OTOF: variants seen among roughly 807,000 people sequenced by gnomAD.
OTOF encodes fer-1-like family member 2.
Under a neutral mutation model 236.8 loss-of-function variants are expected in OTOF, and 218 were observed. The ratio of observed to expected loss-of-function variants is 0.92; its 90% CI spans 0.82 to 1.03. OTOF has a LOEUF of 1.03. OTOF is among the 50% of genes least tolerant of loss of function. OTOF has a pLI of 0.00. For missense variants in OTOF, 2,590 were observed against 2,694.4 expected (o/e 0.96, Z 0.86); for synonymous variants, 1,041 against 1,072.5 (o/e 0.97, Z 0.57).
At position 26,470,999 on chromosome 2, in the gene OTOF, G is replaced by A; in HGVS notation, c.3894+122C>T. 1 of 1,294,054 alleles carries A rather than the reference G, an allele frequency of 7.7e-7. No individual in the cohort carries two copies. The allele number at this position is 1,294,054 out of a possible 1,614,324, so 80.2% of individuals were successfully genotyped here. A position where few individuals can be genotyped will look rare whatever the true frequency, so the allele number is the denominator to read the frequency against. ...TTCCACTGCATCTTAGGGGAGGTGT[G>A]CTGGCCCAAGCATGCGGGGGCTGGG... On this transcript the variant is annotated intron_variant, in intron 31 of 46. Coordinates refer to ENST00000272371, the MANE Select transcript of OTOF (RefSeq NM_194248.3). The surrounding 1 kb of genome is among the most constrained non-coding windows in gnomAD (Gnocchi z 4.3).
intron 9 of OTOF, 84 bp downstream of exon 9, chr2:26,494,858 A>G: frequency 6.5e-7 from 1 of 1,538,416 alleles, no homozygotes; most frequent in Non-Finnish European, 9.0e-7. Flanking sequence ...CTTGACTTCC[A>G]GCCACTCCTA....
At chr2:26,484,705 C>A in intron 11 of OTOF, 72 bp from the exon 12 acceptor site, 2 of 1,520,162 alleles carry the variant, frequency 1.3e-6, no homozygotes, top group Non-Finnish European at 9.1e-7. Context: ...CAGGGCAGGC[C>A]AAGGGGTGGC....
Position 26,477,712 on chromosome 2 carries a change from G to T in OTOF, c.2252C>A (p.Thr751Lys). Reference protein sequence around the residue: ...GLNDIQEMIKTEKSYPERRLR... With the variant: ...GLNDIQEMIKKEKSYPERRLR... ...GCGACGCTCAGGGTAGGACTTCTCC[G>T]TTTTGATCATCTCCTGTATGTCGTT... Residue 751 changes from threonine (T) to lysine (K), a missense_variant, in exon 19 of 47, where the codon ACG becomes AAG. By Grantham distance (78) the Thr-to-Lys change is moderately conservative. Transcript: ENST00000272371. The surrounding 1 kb of genome is among the most constrained non-coding windows in gnomAD (Gnocchi z 4.7). 1 of 1,612,706 alleles carries T rather than the reference G, an allele frequency of 6.2e-7. No individual in the cohort carries two copies.
chr2:26,483,725 G>A, intron 12 of OTOF, 77 bp from the exon 13 acceptor site: 1 of 1,331,868 alleles, frequency 7.5e-7, no homozygotes, highest in East Asian at 2.4e-5. Context: ...ACACACTCCT[G>A]GGTCCTGGCA....
intron 3 of OTOF, among the ~76,000 whole-genome samples, chr2:26,524,306 G>A (rs750595898): frequency 6.6e-6 from 1 of 152,180 alleles, no homozygotes; most frequent in East Asian, 1.9e-4. Context: ...CCAGGAGTTC[G>A]AGACCATCCT....
intron 11 of OTOF, among the ~76,000 whole-genome samples, chr2:26,487,997 T>C (rs1401474482): frequency 6.6e-6 from 1 of 152,226 alleles, no homozygotes; most frequent in African/African-American, 2.4e-5. Context: ...TCAGTTTATC[T>C]TCACAGAGGC....
At chr2:26,500,503 G>A (rs1156953545) in intron 8 of OTOF, among the ~76,000 whole-genome samples, 2 of 151,922 alleles carry the variant, frequency 1.3e-5, no homozygotes, top group East Asian at 1.9e-4. Context: ...CCTTGGAAAA[G>A]CCCTCGGAAG....
At chr2:26,478,735 GT>G (rs1165266141) in intron 18 of OTOF, among the ~76,000 whole-genome samples, 1 of 151,834 alleles carries the variant, frequency 6.6e-6, no homozygotes, top group Non-Finnish European at 1.5e-5. Context: ...GTTTTGCTCG[GT>G]TGCCCAGGCT....
Position 26,558,625 on chromosome 2 carries a change from C to T in OTOF, c.-54G>A, listed in dbSNP as rs571817012. 511 of 1,446,160 alleles carry T rather than the reference C, an allele frequency of 3.5e-4. 5 individuals are homozygous for T. In the Middle Eastern group the frequency reaches 4.4e-3, roughly 12 times the overall value. The allele number at this position is 1,446,160 out of a possible 1,614,324, so 89.6% of individuals were successfully genotyped here. A position where few individuals can be genotyped will look rare whatever the true frequency, so the allele number is the denominator to read the frequency against. On this transcript the variant is annotated 5_prime_UTR_variant, in exon 1 of 47. Coordinates refer to ENST00000272371, the MANE Select transcript of OTOF (RefSeq NM_194248.3). The stretch of plus-strand genomic sequence containing the variant: ...GCAGGAGCAGCGGGAAGGAGCTAGC[C>T]GGTGGAGCACGGCTCACACGCCTCT...
In OTOF at chr2:26,457,365, G is replaced by A; in HGVS notation, c.*873C>T. On this transcript the variant is annotated 3_prime_UTR_variant, in exon 47 of 47. Transcript: ENST00000272371. The surrounding 1 kb of genome is among the most constrained non-coding windows in gnomAD (Gnocchi z 4.4). Reference sequence around the variant, plus strand: ...GGGGGCAGGGGTGGGAGGACAGGGTGTGCCCGGGATGGGGAGTCCCCTCTG... The same window carrying A: ...GGGGGCAGGGGTGGGAGGACAGGGTATGCCCGGGATGGGGAGTCCCCTCTG... 6.5e-6 allele frequency: 1 copy of A among 152,712 alleles called. No homozygotes were observed. The highest frequency in any genetic ancestry group is 1.5e-5 in the Non-Finnish European group (1 of 68,300). 9.5% of individuals were successfully genotyped at this position (152,712 alleles called of 1,614,324 possible).
Position 26,470,343 on chromosome 2 carries a change from C to A in OTOF, c.4023+250G>T, listed in dbSNP as rs190395010. Reference sequence around the variant, plus strand: ...GCACCTAGTATGGAGCCTGGCTCATCGCATATACCCAAGAGGCATTTGTGG... The same window carrying A: ...GCACCTAGTATGGAGCCTGGCTCATAGCATATACCCAAGAGGCATTTGTGG... On this transcript the variant is annotated intron_variant, in intron 32 of 46. Transcript: ENST00000272371. The surrounding 1 kb of genome is among the most constrained non-coding windows in gnomAD (Gnocchi z 4.3). Among the ~76,000 whole-genome samples the A allele has an allele frequency of 3.3e-5, 5 of 152,036 alleles. No individual in the cohort carries two copies. The highest frequency in any genetic ancestry group is 1.2e-4 in the African/African-American group (5 of 41,376).
chr2:26,522,317 TA>T (rs1450242069), intron 3 of OTOF, among the ~76,000 whole-genome samples: 2 of 148,606 alleles, frequency 1.3e-5, no homozygotes, highest in Non-Finnish European at 3.0e-5. Context: ...TACAGGTCTG[TA>T]ACATACCATT....
At position 26,503,887 on chromosome 2, in the gene OTOF, G is replaced by A. The variant is rs768633090; in HGVS notation, c.510-42C>T. The A allele has an allele frequency of 1.7e-5, 26 of 1,539,984 alleles. No individual in the cohort carries two copies. In the South Asian group the frequency reaches 2.7e-4, roughly 16 times the overall value. ...CAGAATGAGGTGCAGGGAGAGGGAC[G>A]CATGGAGGAAAACACACAAACACAG... On this transcript the variant is annotated intron_variant, in intron 5 of 46. Coordinates refer to ENST00000272371, the MANE Select transcript of OTOF (RefSeq NM_194248.3).
intron 39 of OTOF, 128 bp from the exon 40 acceptor site, chr2:26,464,234 T>C (rs997208471): frequency 1.7e-6 from 2 of 1,187,716 alleles, no homozygotes; most frequent in Non-Finnish European, 2.4e-6. Flanking sequence ...TCCTTTTCAC[T>C]GTTGGGGAAA....
intron 5 of OTOF, 113 bp from the exon 6 acceptor site, chr2:26,503,958 G>A (rs1272635043): frequency 1.1e-6 from 1 of 935,482 alleles, no homozygotes; most frequent in Admixed American, 1.8e-5. Flanking sequence ...AGATGGACCC[G>A]GCCCCTCACC....
intron 30 of OTOF, among the ~76,000 whole-genome samples, chr2:26,471,902 T>A (rs1447475310): frequency 6.7e-6 from 1 of 149,240 alleles, no homozygotes; most frequent in East Asian, 2.0e-4. Context: ...CATATATGCA[T>A]ATATACCACA....
intron 3 of OTOF, among the ~76,000 whole-genome samples, chr2:26,519,639 C>T (rs1666626756): frequency 3.3e-5 from 5 of 152,308 alleles, no homozygotes; most frequent in South Asian, 4.1e-4. Flanking sequence ...AGGGGAGAGG[C>T]GGTGCAATGC....
intron 8 of OTOF, among the ~76,000 whole-genome samples, chr2:26,497,095 T>C (rs1272902976): frequency 3.3e-5 from 2 of 60,918 alleles, no homozygotes; most frequent in Non-Finnish European, 5.0e-5. Context: ...TCTTCTTTTT[T>C]TTTTTTTTTT....
intron 1 of OTOF, among the ~76,000 whole-genome samples, chr2:26,555,842 C>T (rs1463245930): frequency 6.6e-6 from 1 of 152,172 alleles, no homozygotes; most frequent in South Asian, 2.1e-4. Flanking sequence ...ACAAACACAT[C>T]GACCATTTGA....
Sources: allele counts gnomAD v4.1 joint callset (sites outside exome capture counted in the v4.1 genomes callset), GRCh38; gene constraint gnomAD v4.1.1; non-coding constraint Gnocchi (gnomAD v3.1); transcripts MANE v1.5; gene names NCBI Gene and HGNC (gene_info 2026-07-23, HGNC 2026-07-21).